Variants in SCN8A observed in about 807,000 individuals in gnomAD.
SCN8A encodes the protein sodium channel protein type 8 subunit alpha.
A neutral mutation model predicts 184.1 loss-of-function variants in SCN8A; 30 were observed. That is an observed-to-expected ratio of 0.16 (90% CI 0.12 to 0.22). The LOEUF (loss-of-function observed/expected upper bound fraction) is 0.22. Among genes scored for constraint, SCN8A ranks in the 10% least tolerant of loss-of-function variants. SCN8A has a pLI of 1.00. For synonymous variants in SCN8A, 852 were observed against 907.0 expected (o/e 0.94, Z 1.09); for missense variants, 1,057 against 2,498.9 (o/e 0.42, Z 12.30).
intron 1 of SCN8A, among the ~76,000 whole-genome samples, chr12:51,644,288 A>AAAC (rs1184977738): frequency 1.3e-5 from 2 of 152,224 alleles, no homozygotes; most frequent in Non-Finnish European, 2.9e-5. Flanking sequence ...CCTTGGGGCC[A>AAAC]AACAGCTTGG....
intron 2 of SCN8A, among the ~76,000 whole-genome samples, chr12:51,666,913 T>C (rs1289199138): frequency 1.3e-5 from 2 of 152,192 alleles, no homozygotes; most frequent in Non-Finnish European, 2.9e-5. Context: ...TTTCAGCTGG[T>C]CCCTGCAAAC....
chr12:51,599,713 T>C lies in SCN8A; in HGVS notation c.-55+8354T>C, dbSNP rs1308201447. Reference sequence around the variant, plus strand: ...AGGAATGGACATCCACTTAGTTGGCTCTTTGATTTGTCCCAGCTGTGTAGT... The same window carrying C: ...AGGAATGGACATCCACTTAGTTGGCCCTTTGATTTGTCCCAGCTGTGTAGT... On this transcript the variant is annotated intron_variant, in intron 1 of 26. Coordinates refer to ENST00000627620, the MANE Select transcript of SCN8A (RefSeq NM_001330260.2). Among the ~76,000 whole-genome samples, 3 of 152,198 alleles carry C rather than the reference T, an allele frequency of 2.0e-5. No individual in the cohort carries two copies. In the East Asian group the frequency reaches 5.8e-4, roughly 29 times the overall value.
chr12:51,804,625 A>C (rs1349183044), intron 26 of SCN8A, among the ~76,000 whole-genome samples: 1 of 151,988 alleles, frequency 6.6e-6, no homozygotes, highest in African/African-American at 2.4e-5. Flanking sequence ...GAATAGCTGG[A>C]ATTACACTTG....
At chr12:51,669,990 T>C (rs537722134) in intron 2 of SCN8A, among the ~76,000 whole-genome samples, 1 of 152,330 alleles carries the variant, frequency 6.6e-6, no homozygotes, top group East Asian at 1.9e-4. Flanking sequence ...CTGTTTTAAA[T>C]AAAAACTACA....
chr12:51,799,376 C>T (rs1938494942), intron 26 of SCN8A, among the ~76,000 whole-genome samples: 1 of 152,194 alleles, frequency 6.6e-6, no homozygotes, highest in Non-Finnish European at 1.5e-5. Context: ...CGGTTCAGGC[C>T]ACATGGTAAC....
chr12:51,665,110 A>C (rs1326413124), intron 2 of SCN8A, among the ~76,000 whole-genome samples: 1 of 152,244 alleles, frequency 6.6e-6, no homozygotes, highest in East Asian at 1.9e-4. Flanking sequence ...ATATGAAAAA[A>C]TATATAGAGC....
chr12:51,754,961 AC>A (rs1455709753), intron 14 of SCN8A, among the ~76,000 whole-genome samples: 1 of 152,184 alleles, frequency 6.6e-6, no homozygotes, highest in Admixed American at 6.5e-5. Flanking sequence ...CTGTGAAGTT[AC>A]GCTTTTTCCA....
chr12:51,691,754 G>A (rs1941512914), intron 6 of SCN8A, among the ~76,000 whole-genome samples: 1 of 152,116 alleles, frequency 6.6e-6, no homozygotes, highest in African/African-American at 2.4e-5. Flanking sequence ...TTAAAAGTGT[G>A]GCTCTCAGTC....
At chr12:51,757,825 T>G (rs182337716) in intron 14 of SCN8A, among the ~76,000 whole-genome samples, 1 of 152,236 alleles carries the variant, frequency 6.6e-6, no homozygotes, top group South Asian at 2.1e-4. Flanking sequence ...TAGAAAGATA[T>G]GATGACTGTG....
intron 1 of SCN8A, among the ~76,000 whole-genome samples, chr12:51,636,068 C>T (rs1025394156): frequency 1.3e-5 from 2 of 152,172 alleles, no homozygotes; most frequent in African/African-American, 4.8e-5. Context: ...CATCTGGGCT[C>T]ATTGCAAGCT....
At chr12:51,629,487 GGTATA>G (rs1940150830) in intron 1 of SCN8A, among the ~76,000 whole-genome samples, 1 of 151,188 alleles carries the variant, frequency 6.6e-6, no homozygotes, top group African/African-American at 2.4e-5. Flanking sequence ...AAGTCACACA[GGTATA>G]GAACCTCTGG....
chr12:51,667,456 G>A (rs1169601397), intron 2 of SCN8A, among the ~76,000 whole-genome samples: 1 of 151,878 alleles, frequency 6.6e-6, no homozygotes, highest in African/African-American at 2.4e-5. Context: ...AACCTCCTGG[G>A]CAACCTCCAT....
intron 1 of SCN8A, among the ~76,000 whole-genome samples, chr12:51,608,300 G>A (rs760992887): frequency 5.9e-5 from 9 of 152,038 alleles, no homozygotes; most frequent in Admixed American, 2.0e-4. Flanking sequence ...GTGAGCCACC[G>A]CGCCTGGCCT....
At chr12:51,802,569 A>T (rs1216053411) in intron 26 of SCN8A, among the ~76,000 whole-genome samples, 1 of 152,216 alleles carries the variant, frequency 6.6e-6, no homozygotes, top group African/African-American at 2.4e-5. Flanking sequence ...CCCTTTGTCT[A>T]CAGGAGATAA....
chr12:51,770,374 C>T (rs922822610), intron 18 of SCN8A, 155 bp from the exon 19 acceptor site: 6 of 851,918 alleles, frequency 7.0e-6, no homozygotes, highest in Non-Finnish European at 1.1e-5. Flanking sequence ...AGCCCTGCCA[C>T]CCTCTCCATT....
At chr12:51,780,400 C>A in intron 20 of SCN8A, 1 of 378,016 alleles carries the variant, frequency 2.6e-6, no homozygotes, top group South Asian at 2.5e-5. Context: ...ATTTTCTCTT[C>A]CCTGTTGTTT....
chr12:51,741,702 A>G (rs1302079825), intron 12 of SCN8A, among the ~76,000 whole-genome samples: 1 of 151,874 alleles, frequency 6.6e-6, no homozygotes, highest in East Asian at 1.9e-4. Flanking sequence ...CCATTATTTT[A>G]TTTTATTTTT....
chr12:51,716,207 A>G (rs997959428), intron 11 of SCN8A, among the ~76,000 whole-genome samples: 1 of 152,112 alleles, frequency 6.6e-6, no homozygotes, highest in Non-Finnish European at 1.5e-5. Flanking sequence ...GGTATGGCAC[A>G]TACTGTGTGG....
intron 2 of SCN8A, among the ~76,000 whole-genome samples, chr12:51,683,368 T>C (rs1460795005): frequency 6.6e-6 from 1 of 152,140 alleles, no homozygotes; most frequent in Non-Finnish European, 1.5e-5. Context: ...TCCGAGGACA[T>C]GAGCTAGTTT....
Sources: allele counts gnomAD v4.1 joint callset (sites outside exome capture counted in the v4.1 genomes callset), GRCh38; gene constraint gnomAD v4.1.1; transcripts MANE v1.5; gene names NCBI Gene and HGNC (gene_info 2026-07-23, HGNC 2026-07-21).